UPF1: variants seen among roughly 807,000 people sequenced by gnomAD.
UPF1 encodes UPF1 RNA helicase and ATPase, also known as regulator of nonsense transcripts 1.
A neutral mutation model predicts 129.2 loss-of-function variants in UPF1; 9 were observed. That is an observed-to-expected ratio of 0.07 (90% confidence interval 0.04 to 0.12). UPF1 has a LOEUF of 0.12. Among genes scored for constraint, UPF1 ranks in the 10% least tolerant of loss-of-function variants. The pLI is 1.00. For synonymous variants in UPF1, 649 were observed against 644.9 expected (o/e 1.01, Z -0.10); for missense variants, 788 against 1,525.3 (o/e 0.52, Z 8.05).
intron 1 of UPF1, among the ~76,000 whole-genome samples, chr19:18,837,240 C>T (rs1481421840): frequency 6.6e-6 from 1 of 152,106 alleles, no homozygotes; most frequent in Non-Finnish European, 1.5e-5. Flanking sequence ...CAGGTGTGTG[C>T]CACCACGTCT....
Position 18,850,926 on chromosome 19 carries a change from G to A in UPF1, c.810+58G>A. On this transcript the variant is annotated intron_variant, in intron 5 of 23. Transcript: ENST00000262803. This position sits in a 1 kb window ranked among gnomAD's most constrained non-coding sequence, Gnocchi z 7.1. The stretch of plus-strand genomic sequence containing the variant: ...CGTGTGGTTTCTGGTTGCGGGGAGG[G>A]GAGTGTCTTCAGAGACGGCTTGACC... The A allele has an allele frequency of 6.8e-7, 1 of 1,468,000 alleles. No homozygotes were observed. The highest frequency in any genetic ancestry group is 2.5e-5 in the East Asian group (1 of 40,644). The allele number at this position is 1,468,000 out of a possible 1,614,324, so 90.9% of individuals were successfully genotyped here. A position where few individuals can be genotyped will look rare whatever the true frequency, so the allele number is the denominator to read the frequency against.
chr19:18,839,115 G>A (rs111981791), intron 1 of UPF1, among the ~76,000 whole-genome samples: 7,132 of 152,038 alleles, frequency 0.047, 545 homozygotes, highest in African/African-American at 0.16. Flanking sequence ...CTTTTTAGAC[G>A]GAGTCTCGCA....
At chr19:18,843,490 C>T (rs947141969) in intron 1 of UPF1, among the ~76,000 whole-genome samples, 12 of 146,552 alleles carry the variant, frequency 8.2e-5, no homozygotes, top group Non-Finnish European at 1.6e-4. Flanking sequence ...CTGTGGTTTT[C>T]GTCTGTGGGA....
chr19:18,840,742 A>G (rs1473408584), intron 1 of UPF1, among the ~76,000 whole-genome samples: 1 of 152,122 alleles, frequency 6.6e-6, no homozygotes, highest in Non-Finnish European at 1.5e-5. Context: ...TATGAGAGCA[A>G]AGTTCTGCTT....
intron 14 of UPF1, 60 bp from the exon 15 acceptor site, chr19:18,857,260 G>A: frequency 1.3e-6 from 2 of 1,552,128 alleles, no homozygotes; most frequent in Middle Eastern, 1.8e-4. Context: ...CCTTGCTAGT[G>A]TGTGTTGAGG....
Position 18,865,521 on chromosome 19 carries a change from C to T in UPF1, c.3020-40C>T, listed in dbSNP as rs763669678. 1 of 1,613,180 alleles carries T rather than the reference C, an allele frequency of 6.2e-7. No individual in the cohort carries two copies. The highest frequency in any genetic ancestry group is 1.7e-5 in the Admixed American group (1 of 60,012). ...TTGAGGGTGTGCTTGTCTGCGAGGCCCTGGCCTCCTTCGGATCACCCTGGA... is the reference window on the plus strand; with the variant it reads ...TTGAGGGTGTGCTTGTCTGCGAGGCTCTGGCCTCCTTCGGATCACCCTGGA... On this transcript the variant is annotated intron_variant, in intron 21 of 23. Transcript: ENST00000262803. This position sits in a 1 kb window ranked among gnomAD's most constrained non-coding sequence, Gnocchi z 6.1.
At chr19:18,841,005 C>T (rs2055535174) in intron 1 of UPF1, among the ~76,000 whole-genome samples, 1 of 152,216 alleles carries the variant, frequency 6.6e-6, no homozygotes, top group Admixed American at 6.5e-5. Context: ...GTGCAGGCTC[C>T]TGGCGGCCCT....
intron 23 of UPF1, 103 bp from the exon 24 acceptor site, chr19:18,866,418 G>A (rs2055845225): frequency 1.7e-5 from 8 of 481,298 alleles, no homozygotes; most frequent in Admixed American, 8.3e-5. Flanking sequence ...CATCAGAGTC[G>A]GGGAGGGCAG....
At chr19:18,847,701 G>T in intron 2 of UPF1, 43 bp from the exon 3 acceptor site, 1 of 1,590,278 alleles carries the variant, frequency 6.3e-7, no homozygotes, top group Non-Finnish European at 8.6e-7. Flanking sequence ...GAAAACCAGA[G>T]AGCAAGCTTC....
At chr19:18,836,555 A>G (rs1028124408) in intron 1 of UPF1, among the ~76,000 whole-genome samples, 4 of 152,218 alleles carry the variant, frequency 2.6e-5, no homozygotes, top group African/African-American at 7.2e-5. Context: ...GAGGCAGGTG[A>G]CAAAGGGCAC....
In UPF1 at chr19:18,832,053, C is replaced by T. The variant is rs1053570943; in HGVS notation, c.-157C>T. 2.4e-5 allele frequency: 15 copies of T among 621,658 alleles called. No homozygotes were observed. The highest frequency in any genetic ancestry group is 1.2e-4 in the African/African-American group (6 of 50,756). The allele number at this position is 621,658 out of a possible 1,614,324, so 38.5% of individuals were successfully genotyped here. A position where few individuals can be genotyped will look rare whatever the true frequency, so the allele number is the denominator to read the frequency against. ...AGCGGCGGCGGCTCGGCACTGTTAC[C>T]TCTCGGTCCGGCTGGCGCCGGGGCG... On this transcript the variant is annotated 5_prime_UTR_variant, in exon 1 of 24. Transcript: ENST00000262803. The surrounding 1 kb of genome is among the most constrained non-coding windows in gnomAD (Gnocchi z 5.6).
Position 18,856,983 on chromosome 19 carries a change from C to T in UPF1, c.1931C>T (p.Pro644Leu). ...GACGAAAGCACCCAGGCCACCGAGC[C>T]GGAGTGCATGGTTCCCGTGGTCCTC... The part of the protein sequence containing the change: ...LIDESTQATE[P>L]ECMVPVVLGA... The change falls in exon 14 of 24, where the codon CCG (proline) becomes CTG (leucine). Residue 644 changes from proline to leucine, a missense_variant. Coordinates refer to ENST00000262803, the MANE Select transcript of UPF1 (RefSeq NM_002911.4). 1 of 1,612,874 alleles carries T rather than the reference C, an allele frequency of 6.2e-7. No individual in the cohort carries two copies.
At chr19:18,843,717 T>TTG (rs72080135) in intron 1 of UPF1, among the ~76,000 whole-genome samples, 13,898 of 143,928 alleles carry the variant, frequency 0.097, 657 homozygotes, top group Non-Finnish European at 0.11. Flanking sequence ...TTGGCCAGGC[T>TTG]TGTGTGTGTG....
chr19:18,856,960 C>T lies in UPF1; in HGVS notation c.1908C>T (p.Asp636=), dbSNP rs140516243. 1.2e-5 allele frequency: 19 copies of T among 1,612,662 alleles called. No homozygotes were observed. In the African/African-American group the frequency reaches 1.5e-4, roughly 12 times the overall value. Residue 636 remains aspartate (D), a synonymous_variant, in exon 14 of 24, where the codon GAC becomes GAT. Coordinates refer to ENST00000262803, the MANE Select transcript of UPF1 (RefSeq NM_002911.4). ...TGCAGTTCCGCTCCATTTTAATCGA[C>T]GAAAGCACCCAGGCCACCGAGCCGG... ...AKMQFRSILI[D]ESTQATEPEC...
intron 1 of UPF1, among the ~76,000 whole-genome samples, chr19:18,836,687 G>A (rs541082897): frequency 7.2e-5 from 11 of 151,996 alleles, no homozygotes; most frequent in South Asian, 6.2e-4. Flanking sequence ...GCAGCTTATG[G>A]TATGTCAGTT....
rs940972891 is a variant in UPF1 at position 18,846,093 on chromosome 19, G to A, written c.345G>A (p.Thr115=). Residue 115 remains threonine (T), a synonymous_variant, in exon 2 of 24, where the codon ACG becomes ACA. Coordinates refer to ENST00000262803, the MANE Select transcript of UPF1 (RefSeq NM_002911.4). The stretch of plus-strand genomic sequence containing the variant: ...AAGATGAAGAAGACACCTATTACAC[G>A]AAGGACCTCCCCATACACGCCTGCA... ...FEEDEEDTYY[T]KDLPIHACSY... 2.5e-6 allele frequency: 4 copies of A among 1,613,974 alleles called. No homozygotes were observed. The highest frequency in any genetic ancestry group is 1.7e-5 in the Admixed American group (1 of 59,990).
chr19:18,852,345 G>C lies in UPF1; in HGVS notation c.972+49G>C, dbSNP rs369857910. The stretch of plus-strand genomic sequence containing the variant: ...CCTGGGGTGGGCTCTGGCTCTCACA[G>C]CTCTCTCCTCAGGCTTCCAGAGGGA... On this transcript the variant is annotated intron_variant, in intron 6 of 23. Transcript: ENST00000262803. The C allele has an allele frequency of 1.4e-5, 22 of 1,602,362 alleles. No homozygotes were observed. In the African/African-American group the frequency reaches 3.0e-4, roughly 22 times the overall value.
chr19:18,852,213 G>A lies in UPF1; in HGVS notation c.889G>A (p.Glu297Lys). Residue 297 changes from glutamate (E) to lysine (K), a missense_variant, in exon 6 of 24, where the codon GAG becomes AAG. Transcript: ENST00000262803. ...EEPQHVLLRY[E>K]DAYQYQNIFG... ...GCCGCAGCATGTCCTCCTGCGGTACGAGGACGCCTACCAGTACCAGAACAT... is the reference window on the plus strand; with the variant it reads ...GCCGCAGCATGTCCTCCTGCGGTACAAGGACGCCTACCAGTACCAGAACAT... 6.2e-7 allele frequency: 1 copy of A among 1,613,740 alleles called. No individual in the cohort carries two copies. The highest frequency in any genetic ancestry group is 8.5e-7 in the Non-Finnish European group (1 of 1,179,804).
chr19:18,838,373 G>C (rs1166953861), intron 1 of UPF1, among the ~76,000 whole-genome samples: 8 of 152,058 alleles, frequency 5.3e-5, no homozygotes, highest in African/African-American at 1.7e-4. Context: ...TCCAGGCCGG[G>C]CTTGGTGGCT....
Sources: allele counts gnomAD v4.1 joint callset (sites outside exome capture counted in the v4.1 genomes callset), GRCh38; gene constraint gnomAD v4.1.1; non-coding constraint Gnocchi (gnomAD v3.1); transcripts MANE v1.5; gene names NCBI Gene and HGNC (gene_info 2026-07-23, HGNC 2026-07-21).